The following DCBLD2 variants were observed in gnomAD, a reference collection of about 807,000 sequenced individuals.
DCBLD2 encodes discoidin, CUB and LCCL domain-containing protein 2.
Under a neutral mutation model 86.8 loss-of-function variants are expected in DCBLD2, and 54 were observed. The observed-to-expected ratio is 0.62, with a 90% CI of 0.50 to 0.78. The LOEUF (loss-of-function observed/expected upper bound fraction) is 0.78. Ranked by LOEUF, DCBLD2 falls within the 30% of genes least tolerant of loss-of-function variation. The pLI is 0.00. For synonymous variants in DCBLD2, 354 were observed against 341.3 expected, an observed-to-expected ratio of 1.04 and a Z score of -0.41; for missense variants, 908 against 954.2, an observed-to-expected ratio of 0.95 and a Z score of 0.64.
At chr3:98,843,542 G>C (rs1048903238) in intron 3 of DCBLD2, among the ~76,000 whole-genome samples, 18 of 152,120 alleles carry the variant, frequency 1.2e-4, no homozygotes, top group African/African-American at 4.3e-4. Context: ...TGCTAGAAAG[G>C]AATTATCTAG....
At chr3:98,853,108 A>C (rs552702935) in intron 2 of DCBLD2, among the ~76,000 whole-genome samples, 1 of 152,344 alleles carries the variant, frequency 6.6e-6, no homozygotes, top group South Asian at 2.1e-4. Flanking sequence ...TTTAGTGTAC[A>C]GTCCAAGAAT....
At position 98,841,293 on chromosome 3, in the gene DCBLD2, C is replaced by G. The variant is rs150755050; in HGVS notation, c.571+8168G>C. 2.5e-4 allele frequency among the ~76,000 whole-genome samples: 38 copies of G among 152,252 alleles called. No homozygotes were observed. In the East Asian group the frequency reaches 3.7e-3, roughly 15 times the overall value. The stretch of plus-strand genomic sequence containing the variant: ...TCAGGTTTTCTGAAAACACCAACAT[C>G]AGATTTCCTAAGACAGTTGCAAACT... On this transcript the variant is annotated intron_variant, in intron 3 of 15. Coordinates refer to ENST00000326840, the MANE Select transcript of DCBLD2 (RefSeq NM_080927.4).
chr3:98,900,943 G>T, intron 1 of DCBLD2, 179 bp downstream of exon 1: 1 of 1,109,634 alleles, frequency 9.0e-7, no homozygotes, highest in Non-Finnish European at 1.2e-6. Context: ...CGCCAACTTG[G>T]GGGACAGACG....
intron 2 of DCBLD2, among the ~76,000 whole-genome samples, chr3:98,876,272 A>G (rs989813425): frequency 2.6e-5 from 4 of 151,914 alleles, no homozygotes; most frequent in African/African-American, 9.7e-5. Context: ...CTGTCGTCCC[A>G]GCTACTCAGG....
intron 1 of DCBLD2, among the ~76,000 whole-genome samples, chr3:98,882,901 T>C (rs537957510): frequency 3.0e-4 from 45 of 152,228 alleles, no homozygotes; most frequent in Admixed American, 9.2e-4. Flanking sequence ...TGTGTTTTTA[T>C]AGTAGCATGA....
intron 2 of DCBLD2, among the ~76,000 whole-genome samples, chr3:98,878,519 C>G (rs1943409095): frequency 6.6e-6 from 1 of 152,208 alleles, no homozygotes; most frequent in Non-Finnish European, 1.5e-5. Context: ...GATTCAGTGA[C>G]ATTATCCCTG....
At position 98,822,713 on chromosome 3, in the gene DCBLD2, G is replaced by C; in HGVS notation, c.652C>G (p.Pro218Ala). ...ATTGTTCCAGATATCTCAGCAAAAG[G>C]AAGCAGACAACCAGCTGGGCAGTAC... is the stretch of plus-strand genomic sequence containing the variant. Reference protein sequence around the residue: ...SKYCPAGCLLPFAEISGTIPH... With the variant: ...SKYCPAGCLLAFAEISGTIPH... The change falls in exon 5 of 16, where the codon CCT becomes GCT. Residue 218 changes from proline to alanine, a missense_variant. Pro to Ala is a conservative substitution (Grantham distance 27). Transcript: ENST00000326840. The C allele has an allele frequency of 6.3e-7, 1 of 1,598,454 alleles. No homozygotes were observed. Among genetic ancestry groups the C allele is most frequent in the Non-Finnish European group, 8.5e-7 (1 of 1,171,960 alleles).
At chr3:98,887,915 A>T (rs578052816) in intron 1 of DCBLD2, among the ~76,000 whole-genome samples, 1 of 151,962 alleles carries the variant, frequency 6.6e-6, no homozygotes, top group Non-Finnish European at 1.5e-5. Flanking sequence ...AATATATGAC[A>T]TGTACCCACC....
chr3:98,896,437 C>G (rs1943751469), intron 1 of DCBLD2, among the ~76,000 whole-genome samples: 1 of 152,066 alleles, frequency 6.6e-6, no homozygotes, highest in Non-Finnish European at 1.5e-5. Flanking sequence ...TTTATAAATA[C>G]TGAATGTCTT....
intron 2 of DCBLD2, among the ~76,000 whole-genome samples, chr3:98,858,241 C>A (rs940964058): frequency 6.6e-6 from 1 of 152,258 alleles, no homozygotes; most frequent in African/African-American, 2.4e-5. Context: ...CGAGCCCACA[C>A]ACACCCAGAA....
chr3:98,809,022 T>C (rs544875515), intron 12 of DCBLD2, among the ~76,000 whole-genome samples: 1 of 151,850 alleles, frequency 6.6e-6, no homozygotes, highest in African/African-American at 2.4e-5. Flanking sequence ...AAAACATTCA[T>C]ATATATATAT....
chr3:98,821,684 T>G (rs956100128), intron 6 of DCBLD2, among the ~76,000 whole-genome samples: 2 of 152,156 alleles, frequency 1.3e-5, no homozygotes, highest in African/African-American at 4.8e-5. Flanking sequence ...AACACATTAC[T>G]CTTCCAAATG....
chr3:98,823,854 G>A (rs828620), intron 4 of DCBLD2, among the ~76,000 whole-genome samples: 3 of 152,178 alleles, frequency 2.0e-5, no homozygotes, highest in African/African-American at 7.2e-5. Flanking sequence ...AGCAAATGGG[G>A]TCTGGAGTCC....
intron 1 of DCBLD2, among the ~76,000 whole-genome samples, chr3:98,886,801 C>CAT (rs71625281): frequency 1.0e-5 from 1 of 100,416 alleles, no homozygotes. Context: ...TACAGGAAAA[C>CAT]CCCCCCCCTT....
At chr3:98,899,233 G>A (rs1055106129) in intron 1 of DCBLD2, among the ~76,000 whole-genome samples, 10 of 149,714 alleles carry the variant, frequency 6.7e-5, no homozygotes, top group South Asian at 6.4e-4. Flanking sequence ...AATGTTGCTT[G>A]TCTGATTAGA....
intron 2 of DCBLD2, among the ~76,000 whole-genome samples, chr3:98,851,361 A>C (rs1942833374): frequency 6.6e-6 from 1 of 152,310 alleles, no homozygotes; most frequent in South Asian, 2.1e-4. Flanking sequence ...AGAGAATAAA[A>C]TACCTAGGAA....
At chr3:98,827,225 T>A (rs1030952120) in intron 3 of DCBLD2, among the ~76,000 whole-genome samples, 1 of 152,194 alleles carries the variant, frequency 6.6e-6, no homozygotes, top group African/African-American at 2.4e-5. Flanking sequence ...AGCAGGCAAA[T>A]TGAATTACCA....
chr3:98,843,818 C>T (rs1003490996), intron 3 of DCBLD2, among the ~76,000 whole-genome samples: 4 of 151,930 alleles, frequency 2.6e-5, no homozygotes, highest in Non-Finnish European at 5.9e-5. Flanking sequence ...TTATGAGTTC[C>T]GATTAGGAAC....
At chr3:98,876,580 C>T (rs1212578137) in intron 2 of DCBLD2, among the ~76,000 whole-genome samples, 6 of 152,066 alleles carry the variant, frequency 3.9e-5, no homozygotes, top group Admixed American at 3.9e-4. Context: ...GTTGGGAAGG[C>T]TGTGGAAAAC....
Sources: gnomAD v4.1 joint callset for allele counts (sites outside exome capture counted in the v4.1 genomes callset) on GRCh38, gnomAD v4.1.1 for gene constraint, MANE v1.5 for transcripts, NCBI Gene and HGNC (gene_info 2026-07-23, HGNC 2026-07-21) for gene names.